The following PTPRD variants were observed in gnomAD, a reference collection of about 807,000 sequenced individuals.
PTPRD encodes the protein receptor-type tyrosine-protein phosphatase delta.
Under a neutral mutation model 214.5 loss-of-function variants are expected in PTPRD, and 34 were observed. The ratio of observed to expected loss-of-function variants is 0.16; its 90% CI spans 0.12 to 0.21. PTPRD has a LOEUF of 0.21. Ranked by LOEUF, PTPRD falls within the 10% of genes least tolerant of loss-of-function variation. The pLI is 1.00. For missense variants in PTPRD, 2,545 were observed against 2,398.7 expected (o/e 1.06, Z -1.27); for synonymous variants, 1,128 against 845.7 (o/e 1.33, Z -5.79).
At chr9:10,359,041 T>C (rs1156544705) in intron 2 of PTPRD, among the ~76,000 whole-genome samples, 1 of 152,034 alleles carries the variant, frequency 6.6e-6, no homozygotes, top group African/African-American at 2.4e-5. Flanking sequence ...TGTGTGTATA[T>C]ATATTACAAG....
At chr9:9,371,022 T>C (rs1215364914) in intron 9 of PTPRD, among the ~76,000 whole-genome samples, 1 of 152,216 alleles carries the variant, frequency 6.6e-6, no homozygotes, top group African/African-American at 2.4e-5. Flanking sequence ...GCCAGAATTT[T>C]ATTGAGGATT....
chr9:9,034,961 T>C (rs1020613841), intron 10 of PTPRD, among the ~76,000 whole-genome samples: 3 of 152,152 alleles, frequency 2.0e-5, no homozygotes, highest in Non-Finnish European at 2.9e-5. Context: ...GTCTGAGTTA[T>C]TCAGAATTCT....
chr9:10,399,136 A>G (rs2098227222), intron 2 of PTPRD, among the ~76,000 whole-genome samples: 1 of 151,996 alleles, frequency 6.6e-6, no homozygotes, highest in Non-Finnish European at 1.5e-5. Flanking sequence ...AAGAAATATG[A>G]TATCACCAAA....
intron 44 of PTPRD, among the ~76,000 whole-genome samples, chr9:8,324,219 T>C (rs184064211): frequency 1.1e-4 from 17 of 152,162 alleles, no homozygotes; most frequent in Admixed American, 7.2e-4. Context: ...TCATCTACAT[T>C]AGGTATATCT....
chr9:9,642,986 G>A (rs1228623954), intron 7 of PTPRD, among the ~76,000 whole-genome samples: 1 of 152,148 alleles, frequency 6.6e-6, no homozygotes, highest in Non-Finnish European at 1.5e-5. Flanking sequence ...CTTTTAGAAA[G>A]CTGGTTCTAA....
At chr9:10,307,321 T>C (rs1290660550) in intron 3 of PTPRD, among the ~76,000 whole-genome samples, 2 of 152,086 alleles carry the variant, frequency 1.3e-5, no homozygotes, top group Admixed American at 1.3e-4. Context: ...TAAGAACATA[T>C]GACATCTGTC....
At chr9:9,700,691 T>C (rs1338491733) in intron 7 of PTPRD, among the ~76,000 whole-genome samples, 1 of 152,096 alleles carries the variant, frequency 6.6e-6, no homozygotes, top group Admixed American at 6.5e-5. Flanking sequence ...CAATATAATA[T>C]GTAATTCCTT....
intron 10 of PTPRD, among the ~76,000 whole-genome samples, chr9:9,129,552 A>G (rs1426656179): frequency 2.0e-5 from 3 of 152,204 alleles, no homozygotes; most frequent in African/African-American, 7.2e-5. Context: ...GACAGCTGAT[A>G]CATCGTTCAA....
At chr9:9,821,554 T>C (rs182207016) in intron 5 of PTPRD, among the ~76,000 whole-genome samples, 4 of 152,134 alleles carry the variant, frequency 2.6e-5, no homozygotes, top group African/African-American at 9.7e-5. Context: ...ATATATAAGA[T>C]ATAGATAAAT....
chr9:8,642,869 C>T (rs1381790733), intron 12 of PTPRD, among the ~76,000 whole-genome samples: 3 of 152,200 alleles, frequency 2.0e-5, no homozygotes, highest in African/African-American at 4.8e-5. Context: ...CCCAAGTCAA[C>T]AGCACAACTA....
chr9:9,677,331 T>C (rs2096954377), intron 7 of PTPRD, among the ~76,000 whole-genome samples: 1 of 152,044 alleles, frequency 6.6e-6, no homozygotes, highest in South Asian at 2.1e-4. Context: ...GGATCCAGTT[T>C]CAGCTTTCTA....
Position 10,248,523 on chromosome 9 carries a change from A to T in PTPRD, c.-545+92440T>A, listed in dbSNP as rs1284274172. On this transcript the variant is annotated intron_variant, in intron 3 of 45. Transcript: ENST00000381196. ...AGGGTACATATAGCAAAAAAAAAAA[A>T]AAATAAAAAAAATAAAGCGAGAAAC... is the stretch of plus-strand genomic sequence containing the variant. 1.9e-3 allele frequency among the ~76,000 whole-genome samples: 80 copies of T among 41,332 alleles called. 4 individuals carry two copies. The highest frequency in any genetic ancestry group is 3.3e-4 in the Non-Finnish European group (4 of 12,278). 27.1% of individuals were successfully genotyped at this position (41,332 alleles called of 152,430 possible). A position where few individuals can be genotyped will look rare whatever the true frequency, so the allele number is the denominator to read the frequency against.
intron 9 of PTPRD, among the ~76,000 whole-genome samples, chr9:9,212,750 C>G (rs1383291770): frequency 6.6e-6 from 1 of 152,060 alleles, no homozygotes; most frequent in Non-Finnish European, 1.5e-5. Context: ...GGACTCAAGA[C>G]GATTCCTACT....
At chr9:8,743,308 G>A (rs138401914) in intron 11 of PTPRD, among the ~76,000 whole-genome samples, 9 of 152,232 alleles carry the variant, frequency 5.9e-5, no homozygotes, top group African/African-American at 2.2e-4. Flanking sequence ...ACAGGCTTAG[G>A]CAGCATAAAT....
chr9:9,686,778 T>C (rs1209682600), intron 7 of PTPRD, among the ~76,000 whole-genome samples: 1 of 151,762 alleles, frequency 6.6e-6, no homozygotes, highest in Non-Finnish European at 1.5e-5. Flanking sequence ...ACAGTGACTA[T>C]GCATAAATAT....
chr9:9,919,688 G>T (rs141750440), intron 5 of PTPRD, among the ~76,000 whole-genome samples: 1 of 152,192 alleles, frequency 6.6e-6, no homozygotes, highest in African/African-American at 2.4e-5. Flanking sequence ...TAAAAGTTGG[G>T]AGTTCTCATA....
rs2096963864 is a variant in PTPRD at position 9,677,680 on chromosome 9, A to G, written c.-287+56853T>C. ...GCACAAGACAGGGATGCCCTCTCTC[A>G]CCACTCCTATTCAACATAGTGTTGG... On this transcript the variant is annotated intron_variant, in intron 7 of 45. Coordinates refer to ENST00000381196, the MANE Select transcript of PTPRD (RefSeq NM_002839.4). 2.0e-5 allele frequency among the ~76,000 whole-genome samples: 3 copies of G among 152,116 alleles called. No individual in the cohort carries two copies. The South Asian group carries it at 6.2e-4, about 32-fold the overall frequency.
At chr9:10,246,314 G>A (rs1306786887) in intron 3 of PTPRD, among the ~76,000 whole-genome samples, 1 of 152,142 alleles carries the variant, frequency 6.6e-6, no homozygotes, top group African/African-American at 2.4e-5. Flanking sequence ...CTCGGTCTTG[G>A]CTCACTGCAA....
chr9:9,180,677 A>G (rs2099927693), intron 10 of PTPRD, among the ~76,000 whole-genome samples: 1 of 152,128 alleles, frequency 6.6e-6, no homozygotes, highest in African/African-American at 2.4e-5. Context: ...ATACTACAAA[A>G]GGAAAGAATT....
Sources: allele counts gnomAD v4.1 joint callset (sites outside exome capture counted in the v4.1 genomes callset), GRCh38; gene constraint gnomAD v4.1.1; transcripts MANE v1.5; gene names NCBI Gene and HGNC (gene_info 2026-07-23, HGNC 2026-07-21).